SLC24A4: variants seen among roughly 807,000 people sequenced by gnomAD.
SLC24A4 encodes solute carrier family 24 member 4.
SLC24A4 carries 53 observed loss-of-function variants against 79.0 expected under a neutral mutation model. The observed-to-expected ratio is 0.67, with a 90% CI of 0.54 to 0.84. The LOEUF (loss-of-function observed/expected upper bound fraction) is 0.84. Among genes scored for constraint, SLC24A4 ranks in the 40% least tolerant of loss-of-function variants. The pLI is 0.00. For synonymous variants in SLC24A4, 323 were observed against 323.8 expected (o/e 1.00, Z 0.03); for missense variants, 731 against 822.0 (o/e 0.89, Z 1.35).
At chr14:92,459,030 G>A (rs1893645034) in intron 12 of SLC24A4, among the ~76,000 whole-genome samples, 1 of 152,126 alleles carries the variant, frequency 6.6e-6, no homozygotes, top group South Asian at 2.1e-4. Context: ...GCAGATGTGG[G>A]GCCTGAGGGG....
intron 2 of SLC24A4, among the ~76,000 whole-genome samples, chr14:92,344,047 A>G (rs1246622565): frequency 6.6e-6 from 1 of 152,158 alleles, no homozygotes; most frequent in African/African-American, 2.4e-5. Context: ...GTTTGCATTT[A>G]CTTACTTCCA....
At chr14:92,413,037 T>A (rs1309799013) in intron 2 of SLC24A4, among the ~76,000 whole-genome samples, 1 of 152,238 alleles carries the variant, frequency 6.6e-6, no homozygotes, top group East Asian at 1.9e-4. Context: ...GCTGCTTTCA[T>A]GCCACAGCGG....
chr14:92,341,069 A>G (rs1370030766), intron 2 of SLC24A4, among the ~76,000 whole-genome samples: 2 of 152,310 alleles, frequency 1.3e-5, no homozygotes, highest in African/African-American at 4.8e-5. Flanking sequence ...GAGGCCGGCT[A>G]GTGCTCATCC....
chr14:92,333,391 G>A (rs986310344), intron 2 of SLC24A4, among the ~76,000 whole-genome samples: 11 of 152,172 alleles, frequency 7.2e-5, no homozygotes, highest in East Asian at 1.9e-4. Context: ...CACTGTGCCC[G>A]GCCCCACTTC....
intron 7 of SLC24A4, 89 bp downstream of exon 7, chr14:92,443,563 AC>A: frequency 1.5e-6 from 2 of 1,309,484 alleles, no homozygotes; most frequent in Non-Finnish European, 2.2e-6. Context: ...TGGCACTGTG[AC>A]CAGAGAGGAC....
At chr14:92,380,063 C>T (rs1368709364) in intron 2 of SLC24A4, among the ~76,000 whole-genome samples, 2 of 152,204 alleles carry the variant, frequency 1.3e-5, no homozygotes, top group African/African-American at 2.4e-5. Context: ...TCACTGCCTG[C>T]GTGCCTGTGC....
rs555874690 is a variant in SLC24A4, at chr14:92,490,089, A to T, written c.1538-1576A>T. ...CAAGCAGGGGAGGAGGAGGTGACCT[A>T]GCTATGCAACATGGGCGGGCTGGCA... On this transcript the variant is annotated intron_variant, in intron 14 of 16. Transcript: ENST00000532405. This position sits in a 1 kb window ranked among gnomAD's most constrained non-coding sequence, Gnocchi z 4.3. Among the ~76,000 whole-genome samples, 147 of 152,284 alleles carry T rather than the reference A, an allele frequency of 9.7e-4. 2 individuals carry two copies. The East Asian group carries it at 0.015, about 15-fold the overall frequency.
At chr14:92,443,341 G>C (rs1232607572) in intron 6 of SLC24A4, 59 bp from the exon 7 acceptor site, 3 of 1,551,214 alleles carry the variant, frequency 1.9e-6, no homozygotes, top group South Asian at 2.2e-5. Context: ...GGCCTGGGCA[G>C]CTGCACCCCC....
rs1404799327 is a variant in SLC24A4 at position 92,490,725 on chromosome 14, G to A, written c.1538-940G>A. Among the ~76,000 whole-genome samples, 1 of 152,098 alleles carries A rather than the reference G, an allele frequency of 6.6e-6. No individual in the cohort carries two copies. On this transcript the variant is annotated intron_variant, in intron 14 of 16. Coordinates refer to ENST00000532405, the MANE Select transcript of SLC24A4 (RefSeq NM_153646.4). The surrounding 1 kb of genome is among the most constrained non-coding windows in gnomAD (Gnocchi z 4.3). The stretch of plus-strand genomic sequence containing the variant: ...CCCAGGGTAGCTGGGAACATGAAGT[G>A]AGGCGCAGTGGCCGGGAGTCCTCAT...
In SLC24A4 at chr14:92,465,183, T is replaced by C. The variant is rs550880087; in HGVS notation, c.1255+8575T>C. ...GGCCTTCAGAGGCAGGGCAATATGC[T>C]TGGTGCTTTTTGCATTTCTTTCATC... On this transcript the variant is annotated intron_variant, in intron 12 of 16. Transcript: ENST00000532405. Among the ~76,000 whole-genome samples, 6 of 152,354 alleles carry C rather than the reference T, an allele frequency of 3.9e-5. No individual in the cohort carries two copies. The South Asian group carries it at 1.2e-3, about 32-fold the overall frequency.
At chr14:92,433,833 T>C in intron 2 of SLC24A4, 79 bp from the exon 3 acceptor site, 1 of 1,236,736 alleles carries the variant, frequency 8.1e-7, no homozygotes, top group East Asian at 2.3e-5. Context: ...AGTTCCTTAG[T>C]GAACTCTCAG....
chr14:92,446,151 G>A (rs1892782895), intron 8 of SLC24A4, among the ~76,000 whole-genome samples: 1 of 150,480 alleles, frequency 6.6e-6, no homozygotes, highest in Non-Finnish European at 1.5e-5. Flanking sequence ...GATTGCCAAC[G>A]ATTCAGAATC....
At chr14:92,343,205 AT>A (rs1886267416) in intron 2 of SLC24A4, among the ~76,000 whole-genome samples, 1 of 152,316 alleles carries the variant, frequency 6.6e-6, no homozygotes, top group African/African-American at 2.4e-5. Flanking sequence ...AGCAGACCCA[AT>A]TCCCCATTGT....
At chr14:92,456,851 G>A (rs992463835) in intron 12 of SLC24A4, among the ~76,000 whole-genome samples, 1 of 152,226 alleles carries the variant, frequency 6.6e-6, no homozygotes, top group African/African-American at 2.4e-5. Flanking sequence ...CAGAGAGCAG[G>A]GCGGCTGGAG....
intron 2 of SLC24A4, among the ~76,000 whole-genome samples, chr14:92,361,760 A>G (rs941423570): frequency 1.6e-4 from 24 of 152,106 alleles, no homozygotes; most frequent in Non-Finnish European, 4.4e-5. Flanking sequence ...TGGGTGGGGC[A>G]GGATGGTGGG....
At chr14:92,327,337 C>G (rs1213762756) in intron 2 of SLC24A4, among the ~76,000 whole-genome samples, 1 of 152,164 alleles carries the variant, frequency 6.6e-6, no homozygotes, top group Non-Finnish European at 1.5e-5. Flanking sequence ...CCTGGTGGCC[C>G]AGCAGGCGGG....
rs1896003184 is a variant in SLC24A4 at position 92,498,326 on chromosome 14, A to G, written c.*4698A>G. 1 of 152,174 alleles carries G rather than the reference A, an allele frequency of 6.6e-6. No individual in the cohort carries two copies. Among genetic ancestry groups the G allele is most frequent in the African/African-American group, 2.4e-5 (1 of 41,436 alleles). 9.4% of individuals were successfully genotyped at this position (152,174 alleles called of 1,614,324 possible). A position where few individuals can be genotyped will look rare whatever the true frequency, so the allele number is the denominator to read the frequency against. ...CCCACTGTGTCAGTTATATGGGAAC[A>G]AGAGTGATGGGGTCTTTCTCTAGGC... On this transcript the variant is annotated 3_prime_UTR_variant, in exon 17 of 17. Coordinates refer to ENST00000532405, the MANE Select transcript of SLC24A4 (RefSeq NM_153646.4).
intron 5 of SLC24A4, among the ~76,000 whole-genome samples, chr14:92,442,480 G>A (rs1383978152): frequency 6.6e-6 from 1 of 152,204 alleles, no homozygotes; most frequent in Non-Finnish European, 1.5e-5. Context: ...TTTATAGCAT[G>A]CACATTATAT....
In SLC24A4 at chr14:92,439,335, G is replaced by A; in HGVS notation, c.319G>A (p.Ala107Thr). The A allele has an allele frequency of 6.2e-7, 1 of 1,612,468 alleles. No homozygotes were observed. Among genetic ancestry groups the A allele is most frequent in the South Asian group, 1.1e-5 (1 of 91,056 alleles). ...TGCCTGTCTCCTCTCTCCTTTGCAG[G>A]CTCTGTATATGTTCTATGCCTTGGC... ...HGAVLLHILG[A>T]LYMFYALAIV... Residue 107 changes from alanine (A) to threonine (T), a missense_variant and splice_region_variant, in exon 4 of 17, where the codon GCT (alanine) becomes ACT (threonine). Ala to Thr is a moderately conservative substitution (Grantham distance 58). Transcript: ENST00000532405.
Sources: gnomAD v4.1 joint callset for allele counts (sites outside exome capture counted in the v4.1 genomes callset) on GRCh38, gnomAD v4.1.1 for gene constraint, Gnocchi (gnomAD v3.1) non-coding constraint, MANE v1.5 for transcripts, NCBI Gene and HGNC (gene_info 2026-07-23, HGNC 2026-07-21) for gene names.